The following DCLK2 variants were observed in gnomAD, a reference collection of about 807,000 sequenced individuals.
DCLK2 encodes the protein serine/threonine-protein kinase DCLK2.
In DCLK2, 31 loss-of-function variants were observed where a neutral mutation model predicts 78.4. That is an observed-to-expected ratio of 0.40 (90% CI 0.30 to 0.53). The LOEUF (loss-of-function observed/expected upper bound fraction) is 0.53, where lower values mean the gene tolerates loss of function less well. Among genes scored for constraint, DCLK2 ranks in the 20% least tolerant of loss-of-function variants. The probability of loss-of-function intolerance (pLI) is 0.61; values close to 1 mark genes in which losing one functional copy is unlikely to be tolerated. For synonymous variants in DCLK2, 407 were observed against 374.9 expected (o/e 1.09, Z -0.99); for missense variants, 872 against 973.7 (o/e 0.90, Z 1.39).
intron 2 of DCLK2, among the ~76,000 whole-genome samples, chr4:150,152,194 G>A (rs763999349): frequency 6.6e-6 from 1 of 152,042 alleles, no homozygotes; most frequent in African/African-American, 2.4e-5. Context: ...TGAACCTTCA[G>A]TATGTTAGCC....
At chr4:150,108,818 T>C (rs1731453652) in intron 2 of DCLK2, among the ~76,000 whole-genome samples, 1 of 152,136 alleles carries the variant, frequency 6.6e-6, no homozygotes, top group African/African-American at 2.4e-5. Flanking sequence ...AGAAACATAT[T>C]TTGTGGAATT....
chr4:150,229,409 A>G (rs1741872339), intron 8 of DCLK2, among the ~76,000 whole-genome samples: 1 of 152,176 alleles, frequency 6.6e-6, no homozygotes, highest in South Asian at 2.1e-4. Context: ...GAATGGATGA[A>G]TGGATGGATT....
chr4:150,221,194 G>GA (rs1460626113), intron 6 of DCLK2, among the ~76,000 whole-genome samples: 1 of 152,100 alleles, frequency 6.6e-6, no homozygotes, highest in African/African-American at 2.4e-5. Flanking sequence ...TTTGAGCCAG[G>GA]AATTAGCCTT....
chr4:150,189,408 G>C (rs1426614024), intron 2 of DCLK2, among the ~76,000 whole-genome samples: 1 of 152,170 alleles, frequency 6.6e-6, no homozygotes, highest in Non-Finnish European at 1.5e-5. Context: ...GTAGAAAGAG[G>C]ACCTGTGGGA....
intron 10 of DCLK2, among the ~76,000 whole-genome samples, chr4:150,234,928 G>C (rs938302198): frequency 3.3e-5 from 5 of 152,276 alleles, no homozygotes; most frequent in African/African-American, 1.2e-4. Flanking sequence ...CCGTCGAACT[G>C]AGTTTGGCCC....
chr4:150,250,550 C>G (rs1463436066), intron 15 of DCLK2, among the ~76,000 whole-genome samples: 1 of 151,882 alleles, frequency 6.6e-6, no homozygotes, highest in Non-Finnish European at 1.5e-5. Context: ...TGGCCTTTCC[C>G]AGAGCTGGAG....
intron 2 of DCLK2, among the ~76,000 whole-genome samples, chr4:150,161,113 A>G (rs1277972781): frequency 6.6e-6 from 1 of 152,268 alleles, no homozygotes; most frequent in Non-Finnish European, 1.5e-5. Context: ...TAAAGTATAT[A>G]GATTGTGAAC....
At chr4:150,185,330 C>A (rs1354447329) in intron 2 of DCLK2, among the ~76,000 whole-genome samples, 2 of 152,200 alleles carry the variant, frequency 1.3e-5, no homozygotes, top group African/African-American at 2.4e-5. Context: ...CACGAGGTTT[C>A]TCCTCCAACG....
intron 2 of DCLK2, among the ~76,000 whole-genome samples, chr4:150,165,939 G>A (rs1736033060): frequency 6.6e-6 from 1 of 152,100 alleles, no homozygotes; most frequent in African/African-American, 2.4e-5. Flanking sequence ...CTGGCGCCTG[G>A]TGCCTCTGTC....
chr4:150,185,974 T>C (rs1737901549), intron 2 of DCLK2, among the ~76,000 whole-genome samples: 1 of 152,204 alleles, frequency 6.6e-6, no homozygotes. Context: ...TATTTTTCAC[T>C]TGGATGTTTC....
At chr4:150,122,609 G>A (rs113951073) in intron 2 of DCLK2, among the ~76,000 whole-genome samples, 35,619 of 152,052 alleles carry the variant, frequency 0.23, 4,552 homozygotes, top group African/African-American at 0.34. Flanking sequence ...GTCAGTGGGT[G>A]GGGGGCTAGG....
At chr4:150,203,026 G>A (rs1324438791) in intron 4 of DCLK2, among the ~76,000 whole-genome samples, 1 of 152,012 alleles carries the variant, frequency 6.6e-6, no homozygotes, top group African/African-American at 2.4e-5. Context: ...TAATTTTCTG[G>A]GGGAAAGGTT....
intron 5 of DCLK2, among the ~76,000 whole-genome samples, chr4:150,217,574 A>G (rs1560879380): frequency 6.6e-6 from 1 of 152,222 alleles, no homozygotes; most frequent in East Asian, 1.9e-4. Flanking sequence ...AGGTGCACCT[A>G]TCCCTCCTCA....
At chr4:150,123,763 T>A (rs959434364) in intron 2 of DCLK2, among the ~76,000 whole-genome samples, 3 of 152,108 alleles carry the variant, frequency 2.0e-5, no homozygotes, top group Non-Finnish European at 2.9e-5. Flanking sequence ...AACGTTGGAC[T>A]GGGTGTGGTG....
At chr4:150,239,297 T>C (rs1019068867) in intron 10 of DCLK2, among the ~76,000 whole-genome samples, 5 of 152,098 alleles carry the variant, frequency 3.3e-5, no homozygotes, top group African/African-American at 1.2e-4. Context: ...TGAATCATGG[T>C]GTTAGAATCA....
chr4:150,119,001 G>A (rs778551869), intron 2 of DCLK2, among the ~76,000 whole-genome samples: 8 of 151,242 alleles, frequency 5.3e-5, no homozygotes, highest in Non-Finnish European at 7.4e-5. Flanking sequence ...CTCCAGCCTC[G>A]ACAACAGTTG....
intron 2 of DCLK2, among the ~76,000 whole-genome samples, chr4:150,182,899 C>A (rs1180735333): frequency 6.6e-6 from 1 of 152,058 alleles, no homozygotes; most frequent in Non-Finnish European, 1.5e-5. Flanking sequence ...TAGAGACAGC[C>A]TTTTAGCTGA....
Position 150,102,945 on chromosome 4 carries a change from GTGTGTGTA to G in DCLK2, c.756+141_756+148del, listed in dbSNP as rs1730989536. On this transcript the variant is annotated intron_variant, in intron 2 of 15. Coordinates refer to ENST00000296550, the MANE Select transcript of DCLK2 (RefSeq NM_001040260.4). ...GGGAGTCATACTTGAGATTGTGTGTGTGTGTGTATGTGTGTGTGTGTGTATGTATGTAA... is the reference window on the plus strand; with the variant it reads ...GGGAGTCATACTTGAGATTGTGTGTGTGTGTGTGTGTGTGTATGTATGTAA... 5 of 786,780 alleles carry G rather than the reference GTGTGTGTA, an allele frequency of 6.4e-6. No individual in the cohort carries two copies. The South Asian group carries it at 7.7e-5, about 12-fold the overall frequency. The allele number at this position is 786,780 out of a possible 1,614,324, so 48.7% of individuals were successfully genotyped here.
intron 7 of DCLK2, among the ~76,000 whole-genome samples, chr4:150,223,649 C>T (rs1388083104): frequency 1.3e-5 from 2 of 151,978 alleles, no homozygotes; most frequent in African/African-American, 2.4e-5. Flanking sequence ...GAGGCTGAGG[C>T]GACAGAATTG....
Sources: gnomAD v4.1 joint callset for allele counts (sites outside exome capture counted in the v4.1 genomes callset) on GRCh38, gnomAD v4.1.1 for gene constraint, MANE v1.5 for transcripts, NCBI Gene and HGNC (gene_info 2026-07-23, HGNC 2026-07-21) for gene names.